The following DPP9 variants were observed in gnomAD, a reference collection of about 807,000 sequenced individuals.
The protein encoded by DPP9 is dipeptidyl peptidase IV-related protein-2.
A neutral mutation model predicts 110.7 loss-of-function variants in DPP9; 50 were observed. That is an observed-to-expected ratio of 0.45 (90% confidence interval 0.36 to 0.57). DPP9 has a LOEUF of 0.57. Ranked by LOEUF, DPP9 falls within the 20% of genes least tolerant of loss-of-function variation. The pLI is 0.00. For missense variants in DPP9, 1,022 were observed against 1,217.9 expected (o/e 0.84, Z 2.39); for synonymous variants, 561 against 514.4 (o/e 1.09, Z -1.23).
At chr19:4,701,556 C>A (rs1344863809) in intron 9 of DPP9, among the ~76,000 whole-genome samples, 2 of 152,238 alleles carry the variant, frequency 1.3e-5, no homozygotes, top group Non-Finnish European at 2.9e-5. Flanking sequence ...GAAAATCCTT[C>A]TTTCGTTCTG....
intron 21 of DPP9, among the ~76,000 whole-genome samples, chr19:4,677,564 T>A (rs1021888319): frequency 6.6e-6 from 1 of 152,186 alleles, no homozygotes; most frequent in Non-Finnish European, 1.5e-5. Context: ...AATCCATCCC[T>A]GGATGAATCA....
At chr19:4,723,624 G>T in intron 1 of DPP9, 50 bp downstream of exon 1, 1 of 156,670 alleles carries the variant, frequency 6.4e-6, no homozygotes, top group South Asian at 1.7e-4. Flanking sequence ...GGTCAATGGC[G>T]GGTTCAGGGT....
intron 20 of DPP9, among the ~76,000 whole-genome samples, chr19:4,681,562 C>A (rs1319404365): frequency 6.6e-6 from 1 of 150,908 alleles, no homozygotes; most frequent in Non-Finnish European, 1.5e-5. Flanking sequence ...CCGTTCCTGG[C>A]CTATTATTAT....
At chr19:4,708,005 G>T (rs920790883) in intron 4 of DPP9, among the ~76,000 whole-genome samples, 5 of 152,104 alleles carry the variant, frequency 3.3e-5, no homozygotes, top group Admixed American at 6.6e-5. Flanking sequence ...TAATATCTGT[G>T]CCATTTTTAT....
Position 4,704,057 on chromosome 19 carries a change from G to A in DPP9, c.601-3C>T. The A allele has an allele frequency of 6.2e-7, 1 of 1,613,952 alleles. No individual in the cohort carries two copies. The highest frequency in any genetic ancestry group is 8.5e-7 in the Non-Finnish European group (1 of 1,179,846). On this transcript the variant is annotated splice_polypyrimidine_tract_variant and splice_region_variant and intron_variant, in intron 6 of 21. Transcript: ENST00000262960. The surrounding 1 kb of genome is among the most constrained non-coding windows in gnomAD (Gnocchi z 6.0). Reference sequence around the variant, plus strand: ...TCCAGCGGTTTCATAGGGGACACCTGAGGACAGAGACGCCCAGCTCAGGGG... The same window carrying A: ...TCCAGCGGTTTCATAGGGGACACCTAAGGACAGAGACGCCCAGCTCAGGGG...
intron 2 of DPP9, among the ~76,000 whole-genome samples, chr19:4,720,522 G>T (rs1467943): frequency 0.63 from 95,612 of 151,308 alleles, 30,448 homozygotes; most frequent in Middle Eastern, 0.77. Context: ...GCTACCTGGC[G>T]ACCCCCATCA....
At chr19:4,708,278 C>A (rs2092682443) in intron 4 of DPP9, among the ~76,000 whole-genome samples, 1 of 152,224 alleles carries the variant, frequency 6.6e-6, no homozygotes, top group African/African-American at 2.4e-5. Flanking sequence ...GTAGAACACG[C>A]CTTTTCTCTG....
chr19:4,692,859 G>A (rs2091449956), intron 13 of DPP9, among the ~76,000 whole-genome samples: 1 of 152,168 alleles, frequency 6.6e-6, no homozygotes, highest in Admixed American at 6.6e-5. Flanking sequence ...CGCTTAGCCA[G>A]TAAGTCTGCA....
Position 4,685,306 on chromosome 19 carries a change from T to G in DPP9, c.2031+320A>C, listed in dbSNP as rs1272976788. ...TGCTTTTGACCCCTGCTCCAGGAAT[T>G]GGGCCCAGGGCCCATGGCCACCTCC... On this transcript the variant is annotated intron_variant, in intron 17 of 21. Transcript: ENST00000262960. This position sits in a 1 kb window ranked among gnomAD's most constrained non-coding sequence, Gnocchi z 5.8. 2 of 566,030 alleles carry G rather than the reference T, an allele frequency of 3.5e-6. No homozygotes were observed. 35.1% of individuals were successfully genotyped at this position (566,030 alleles called of 1,614,324 possible). A position where few individuals can be genotyped will look rare whatever the true frequency, so the allele number is the denominator to read the frequency against.
rs1220969742 is a variant in DPP9, at chr19:4,684,866, G to A, written c.2032-57C>T. Reference sequence around the variant, plus strand: ...CGAGATGCCGGGCAGGACGGGCCTGGCAGGGGAGATGCCGGTGGGCTGGGG... The same window carrying A: ...CGAGATGCCGGGCAGGACGGGCCTGACAGGGGAGATGCCGGTGGGCTGGGG... On this transcript the variant is annotated intron_variant, in intron 17 of 21. Coordinates refer to ENST00000262960, the MANE Select transcript of DPP9 (RefSeq NM_139159.5). This position sits in a 1 kb window ranked among gnomAD's most constrained non-coding sequence, Gnocchi z 4.8. 6.4e-7 allele frequency: 1 copy of A among 1,557,282 alleles called. No individual in the cohort carries two copies. The highest frequency in any genetic ancestry group is 1.2e-5 in the South Asian group (1 of 84,502).
chr19:4,677,694 C>G (rs750355185), intron 21 of DPP9, among the ~76,000 whole-genome samples: 1 of 152,216 alleles, frequency 6.6e-6, no homozygotes, highest in African/African-American at 2.4e-5. Context: ...TTCCCCAGCC[C>G]GGGCAGTGGC....
intron 1 of DPP9, among the ~76,000 whole-genome samples, chr19:4,723,362 C>T (rs2093406340): frequency 6.6e-6 from 1 of 152,168 alleles, no homozygotes; most frequent in Admixed American, 6.5e-5. Context: ...GTGCGGCCAC[C>T]TCCGGAAGGG....
In DPP9 at chr19:4,695,451, G is replaced by C. The variant is rs567533817; in HGVS notation, c.1280C>G (p.Ala427Gly). 1 of 1,588,976 alleles carries C rather than the reference G, an allele frequency of 6.3e-7. No homozygotes were observed. The highest frequency in any genetic ancestry group is 1.1e-5 in the South Asian group (1 of 87,622). Residue 427 changes from alanine (A) to glycine (G), a missense_variant, in exon 12 of 22, where the codon GCC becomes GGC. Ala to Gly is a moderately conservative substitution (Grantham distance 60). Coordinates refer to ENST00000262960, the MANE Select transcript of DPP9 (RefSeq NM_139159.5). The surrounding 1 kb of genome is among the most constrained non-coding windows in gnomAD (Gnocchi z 4.7). ...PSTENEEQRL[A>G]SARAVPRNVQ... ...ATTCCTGGGGACAGCTCTGGCAGAG[G>C]CTAGCCGCTGCTCCTCATTCTCTGT...
At chr19:4,723,027 G>A (rs1435046058) in intron 1 of DPP9, among the ~76,000 whole-genome samples, 1 of 152,216 alleles carries the variant, frequency 6.6e-6, no homozygotes, top group East Asian at 1.9e-4. Flanking sequence ...GCTGAGAGAA[G>A]GGGGCTGAAC....
intron 21 of DPP9, among the ~76,000 whole-genome samples, chr19:4,677,560 T>A (rs1378219898): frequency 2.6e-5 from 4 of 152,128 alleles, no homozygotes; most frequent in Non-Finnish European, 5.9e-5. Context: ...CTTTAATCCA[T>A]CCCTGGATGA....
intron 14 of DPP9, among the ~76,000 whole-genome samples, chr19:4,690,581 C>T (rs528686159): frequency 6.6e-6 from 1 of 152,342 alleles, no homozygotes; most frequent in South Asian, 2.1e-4. Flanking sequence ...TTCTAAAAGG[C>T]TTCCAATGTT....
chr19:4,697,586 G>A lies in DPP9; in HGVS notation c.1140C>T (p.Tyr380=), dbSNP rs759354692. ...CCCGGGTCCACCCGGCCCTGGCGATGTACTCCACCTTCGGGAACAGCGAGC... is the reference window on the plus strand; with the variant it reads ...CCCGGGTCCACCCGGCCCTGGCGATATACTCCACCTTCGGGAACAGCGAGC... The part of the protein sequence containing the change: ...PFSSLFPKVE[Y]IARAGWTRDG... The change falls in exon 11 of 22, where the codon TAC becomes TAT. Residue 380 remains tyrosine (Y), a synonymous_variant. Transcript: ENST00000262960. The A allele has an allele frequency of 2.9e-5, 47 of 1,613,812 alleles. No homozygotes were observed. The highest frequency in any genetic ancestry group is 3.6e-5 in the Non-Finnish European group (42 of 1,179,874).
Position 4,684,768 on chromosome 19 carries a change from C to T in DPP9, c.2073G>A (p.Leu691=), listed in dbSNP as rs1365132043. ...CCAGGGAGGCCAGTGTGTTGAGCCG[C>T]AAGTACTTGATGCCTTTGAAGGAGT... The part of the protein sequence containing the change: ...VNNSFKGIKY[L]RLNTLASLGY... Residue 691 remains leucine (L), a synonymous_variant, in exon 18 of 22, where the codon TTG becomes TTA. Transcript: ENST00000262960. The surrounding 1 kb of genome is among the most constrained non-coding windows in gnomAD (Gnocchi z 4.8). 6 of 1,603,770 alleles carry T rather than the reference C, an allele frequency of 3.7e-6. No individual in the cohort carries two copies. In the East Asian group the frequency reaches 6.7e-5, roughly 18 times the overall value.
At chr19:4,691,473 CA>C (rs546841302) in intron 13 of DPP9, among the ~76,000 whole-genome samples, 8,915 of 119,438 alleles carry the variant, frequency 0.075, 639 homozygotes, top group African/African-American at 0.21. Flanking sequence ...GAACCCGTCT[CA>C]AAAAAAAAAA....
Sources: allele counts gnomAD v4.1 joint callset (sites outside exome capture counted in the v4.1 genomes callset), GRCh38; gene constraint gnomAD v4.1.1; non-coding constraint Gnocchi (gnomAD v3.1); transcripts MANE v1.5; gene names NCBI Gene and HGNC (gene_info 2026-07-23, HGNC 2026-07-21).